Variants in KAZN observed in about 807,000 individuals in gnomAD.
KAZN encodes kazrin, periplakin interacting protein.
Under a neutral mutation model 87.4 loss-of-function variants are expected in KAZN, and 40 were observed. The ratio of observed to expected loss-of-function variants is 0.46; its 90% CI spans 0.36 to 0.60. KAZN has a LOEUF of 0.60. Among genes scored for constraint, KAZN ranks in the 20% least tolerant of loss-of-function variants. The pLI is 0.00. For synonymous variants in KAZN, 466 were observed against 458.3 expected (o/e 1.02, Z -0.22); for missense variants, 898 against 1,073.9 (o/e 0.84, Z 2.29).
chr1:15,003,131 G>A (rs1162496448), intron 2 of KAZN, among the ~76,000 whole-genome samples: 2 of 152,174 alleles, frequency 1.3e-5, no homozygotes, highest in African/African-American at 4.8e-5. Flanking sequence ...GCAGAGCTGG[G>A]ATTTGGACTT....
chr1:14,883,362 A>AG lies in KAZN; in HGVS notation c.227-77321dup, dbSNP rs1382248340. The stretch of plus-strand genomic sequence containing the variant: ...AGAGAGAAAGAAAGAAAGAAAAGAA[A>AG]GAAAGAAAGAAAGAAAGAAAGAAAG... On this transcript the variant is annotated intron_variant, in intron 1 of 14. Coordinates refer to ENST00000376030, the MANE Select transcript of KAZN (RefSeq NM_201628.3). 6.3e-4 allele frequency among the ~76,000 whole-genome samples: 34 copies of AG among 53,978 alleles called. 5 individuals carry two copies. The highest frequency in any genetic ancestry group is 0.014 in the Middle Eastern group (2 of 138). 35.4% of individuals were successfully genotyped at this position (53,978 alleles called of 152,430 possible).
At chr1:14,761,931 A>G (rs990379534) in intron 1 of KAZN, among the ~76,000 whole-genome samples, 8 of 150,252 alleles carry the variant, frequency 5.3e-5, no homozygotes, top group Non-Finnish European at 8.9e-5. Flanking sequence ...AAAAGGAAGC[A>G]GAAATCGTAA....
chr1:13,985,003 A>G (rs1360634867), intron 1 of KAZN, among the ~76,000 whole-genome samples: 1 of 152,208 alleles, frequency 6.6e-6, no homozygotes, highest in Non-Finnish European at 1.5e-5. Context: ...AAAATTAACT[A>G]TAGGATAGGA....
At chr1:14,384,735 T>C (rs1445512994) in intron 2 of KAZN, among the ~76,000 whole-genome samples, 1 of 151,592 alleles carries the variant, frequency 6.6e-6, no homozygotes, top group Non-Finnish European at 1.5e-5. Flanking sequence ...TTATTGAGGA[T>C]TTTTGCATCA....
intron 2 of KAZN, among the ~76,000 whole-genome samples, chr1:14,564,437 A>C (rs1674427331): frequency 6.6e-6 from 1 of 152,108 alleles, no homozygotes; most frequent in Non-Finnish European, 1.5e-5. Flanking sequence ...ATGTCTCTGC[A>C]TCTTCATCTT....
intron 1 of KAZN, among the ~76,000 whole-genome samples, chr1:13,907,329 G>A (rs2100856303): frequency 6.6e-6 from 1 of 152,238 alleles, no homozygotes; most frequent in South Asian, 2.1e-4. Context: ...AGGTGGAGTG[G>A]CCCCTGGGGA....
Position 15,066,991 on chromosome 1 carries a change from G to T in KAZN, c.1222+1238G>T. The T allele has an allele frequency of 1.0e-6, 1 of 985,542 alleles. No homozygotes were observed. Among genetic ancestry groups the T allele is most frequent in the Non-Finnish European group, 1.2e-6 (1 of 830,022 alleles). The allele number at this position is 985,542 out of a possible 1,614,324, so 61.0% of individuals were successfully genotyped here. A position where few individuals can be genotyped will look rare whatever the true frequency, so the allele number is the denominator to read the frequency against. ...CCCCTTCTTTGGGTCTGTCTTTTGAGAGAGGTTGAGTTCAGGGCAAGACAG... is the reference window on the plus strand; with the variant it reads ...CCCCTTCTTTGGGTCTGTCTTTTGATAGAGGTTGAGTTCAGGGCAAGACAG... On this transcript the variant is annotated intron_variant, in intron 8 of 14. Transcript: ENST00000376030. The surrounding 1 kb of genome is among the most constrained non-coding windows in gnomAD (Gnocchi z 4.3).
At chr1:14,344,860 C>T (rs544022115) in intron 2 of KAZN, among the ~76,000 whole-genome samples, 36 of 151,656 alleles carry the variant, frequency 2.4e-4, no homozygotes, top group African/African-American at 8.2e-4. Flanking sequence ...TGAGAGTTCA[C>T]GGGTGGACAT....
At chr1:15,053,414 G>A (rs578066316) in intron 4 of KAZN, among the ~76,000 whole-genome samples, 16 of 152,320 alleles carry the variant, frequency 1.1e-4, no homozygotes, top group African/African-American at 3.8e-4. Flanking sequence ...TAGGACAACA[G>A]AGCTGTTCCC....
At chr1:14,526,289 G>C (rs937745478) in intron 2 of KAZN, among the ~76,000 whole-genome samples, 2 of 152,150 alleles carry the variant, frequency 1.3e-5, no homozygotes, top group African/African-American at 4.8e-5. Context: ...TGCTCCAAGG[G>C]AACAAGGGTG....
intron 1 of KAZN, among the ~76,000 whole-genome samples, chr1:13,980,920 G>A (rs965536101): frequency 1.3e-5 from 2 of 151,428 alleles, no homozygotes; most frequent in South Asian, 2.1e-4. Context: ...GGCAGACTCT[G>A]GGCAGTCAGA....
chr1:14,631,090 C>G (rs940496326), intron 1 of KAZN, among the ~76,000 whole-genome samples: 1 of 152,102 alleles, frequency 6.6e-6, no homozygotes, highest in Non-Finnish European at 1.5e-5. Flanking sequence ...TGGAACATCC[C>G]CTACCCTGCT....
chr1:14,842,360 C>T (rs1053811614), intron 1 of KAZN, among the ~76,000 whole-genome samples: 9 of 152,126 alleles, frequency 5.9e-5, no homozygotes, highest in East Asian at 3.9e-4. Context: ...GTAATAGACA[C>T]GCAGGATCAA....
At position 14,419,135 on chromosome 1, in the gene KAZN, G is replaced by C. The variant is rs945451634; in HGVS notation, c.250-179848G>C. ...TTGGTAGCACCCCATCTTTACAAAG[G>C]AACTTCTATGCCAGCATAAACCAGG... On this transcript the variant is annotated intron_variant, in intron 2 of 16. Transcript: ENST00000636203. Among the ~76,000 whole-genome samples the C allele has an allele frequency of 3.3e-5, 5 of 152,268 alleles. No homozygotes were observed. In the East Asian group the frequency reaches 9.6e-4, roughly 29 times the overall value.
chr1:14,475,619 G>A (rs541512807), intron 2 of KAZN, among the ~76,000 whole-genome samples: 15 of 152,308 alleles, frequency 9.8e-5, no homozygotes, highest in South Asian at 8.3e-4. Flanking sequence ...ATGATGGAGC[G>A]TGGGAAGTGT....
rs542164720 is a variant in KAZN at position 14,681,777 on chromosome 1, G to A, written c.226+82554G>A. Among the ~76,000 whole-genome samples, 114 of 140,280 alleles carry A rather than the reference G, an allele frequency of 8.1e-4. 1 individual carries two copies. The highest frequency in any genetic ancestry group is 1.4e-3 in the Non-Finnish European group (93 of 65,464). 92.0% of individuals were successfully genotyped at this position (140,280 alleles called of 152,430 possible). A position where few individuals can be genotyped will look rare whatever the true frequency, so the allele number is the denominator to read the frequency against. ...CTGCAAGCTCCGCCTCCCGCCTCCC[G>A]GGAGGCGTTCTCCTGCCATTCTCCT... On this transcript the variant is annotated intron_variant, in intron 1 of 14. Transcript: ENST00000376030.
rs117888663 is a variant in KAZN at position 14,084,992 on chromosome 1, C to T, written c.92-95443C>T. Among the ~76,000 whole-genome samples the T allele has an allele frequency of 2.7e-3, 406 of 152,068 alleles. 10 individuals carry two copies. The South Asian group carries it at 0.066, about 25-fold the overall frequency. ...TGTGTGTATGTGTGTAAATTGGATC[C>T]CTACAAGATTAAAGGGATTTCTTGG... On this transcript the variant is annotated intron_variant, in intron 1 of 16. Transcript: ENST00000636203.
intron 2 of KAZN, among the ~76,000 whole-genome samples, chr1:14,306,442 GA>G (rs1219991824): frequency 6.6e-6 from 1 of 152,206 alleles, no homozygotes; most frequent in Non-Finnish European, 1.5e-5. Context: ...AAACTATGGA[GA>G]GGGATGATTC....
intron 2 of KAZN, among the ~76,000 whole-genome samples, chr1:14,283,334 A>C (rs1345939249): frequency 6.6e-6 from 1 of 151,818 alleles, no homozygotes; most frequent in East Asian, 1.9e-4. Context: ...TAAGAGGAAA[A>C]CCCCCATTTT....
Sources: gnomAD v4.1 joint callset for allele counts (sites outside exome capture counted in the v4.1 genomes callset) on GRCh38, gnomAD v4.1.1 for gene constraint, Gnocchi (gnomAD v3.1) non-coding constraint, MANE v1.5 for transcripts, NCBI Gene and HGNC (gene_info 2026-07-23, HGNC 2026-07-21) for gene names.